The following MALT1 variants were observed in gnomAD, a reference collection of about 807,000 sequenced individuals.
MALT1 encodes the protein mucosa-associated lymphoid tissue lymphoma translocation protein 1.
MALT1 carries 36 observed loss-of-function variants against 85.5 expected under a neutral mutation model. The observed-to-expected ratio is 0.42, with a 90% CI of 0.32 to 0.56. The LOEUF is 0.56. Ranked by LOEUF, MALT1 falls within the 20% of genes least tolerant of loss-of-function variation. The probability of loss-of-function intolerance (pLI) is 0.10; values close to 1 mark genes in which losing one functional copy is unlikely to be tolerated. For synonymous variants in MALT1, 359 were observed against 361.3 expected (o/e 0.99, Z 0.07); for missense variants, 716 against 981.6 (o/e 0.73, Z 3.62).
intron 10 of MALT1, among the ~76,000 whole-genome samples, chr18:58,732,891 C>A (rs1050785523): frequency 1.3e-5 from 2 of 151,736 alleles, no homozygotes; most frequent in Non-Finnish European, 2.9e-5. Context: ...ATTTTAAGTG[C>A]AGACTGTTGG....
chr18:58,709,642 C>T (rs1386009801), intron 5 of MALT1, 86 bp downstream of exon 5: 1 of 1,082,848 alleles, frequency 9.2e-7, no homozygotes, highest in Admixed American at 2.9e-5. Flanking sequence ...CATTAAAACT[C>T]ATATCCTTTC....
intron 10 of MALT1, among the ~76,000 whole-genome samples, chr18:58,729,803 T>A (rs2055121773): frequency 6.6e-6 from 1 of 152,168 alleles, no homozygotes; most frequent in African/African-American, 2.4e-5. Context: ...AGTGTGTAAA[T>A]GTAAAAGATT....
intron 10 of MALT1, among the ~76,000 whole-genome samples, chr18:58,729,733 C>T (rs1007333902): frequency 6.6e-6 from 1 of 152,150 alleles, no homozygotes; most frequent in Non-Finnish European, 1.5e-5. Context: ...TATCTCTAAT[C>T]TGAAAATCCC....
intron 8 of MALT1, among the ~76,000 whole-genome samples, chr18:58,714,592 C>A (rs979905665): frequency 2.0e-5 from 3 of 152,112 alleles, no homozygotes; most frequent in Non-Finnish European, 4.4e-5. Flanking sequence ...TCATTGGCAT[C>A]GTACAGGTCG....
chr18:58,706,764 C>T (rs1385465474), intron 4 of MALT1, among the ~76,000 whole-genome samples: 2 of 152,124 alleles, frequency 1.3e-5, no homozygotes, highest in Non-Finnish European at 2.9e-5. Context: ...GGTTTGTTTT[C>T]ACCACTTTAA....
At chr18:58,694,681 A>G (rs1340600939) in intron 2 of MALT1, among the ~76,000 whole-genome samples, 2 of 152,228 alleles carry the variant, frequency 1.3e-5, no homozygotes, top group Non-Finnish European at 2.9e-5. Context: ...GTGAAAAACA[A>G]CAACTGTTTA....
At position 58,748,630 on chromosome 18, in the gene MALT1, T is replaced by C. The variant is rs2055405911; in HGVS notation, c.*788T>C. 5.2e-6 allele frequency: 1 copy of C among 190,922 alleles called. No homozygotes were observed. Among genetic ancestry groups the C allele is most frequent in the African/African-American group, 2.3e-5 (1 of 43,116 alleles). 11.8% of individuals were successfully genotyped at this position (190,922 alleles called of 1,614,324 possible). On this transcript the variant is annotated 3_prime_UTR_variant, in exon 17 of 17. Transcript: ENST00000649217. ...AATGGATAATTTTCATAGCTGCCTA[T>C]CAGAATTTCCCAAATATTTAGCATC...
At chr18:58,693,325 G>A (rs181782126) in intron 2 of MALT1, among the ~76,000 whole-genome samples, 13 of 152,306 alleles carry the variant, frequency 8.5e-5, no homozygotes, top group Admixed American at 7.2e-4. Context: ...GGGAGGCTGA[G>A]GTGGGAGAAT....
chr18:58,698,035 G>GT (rs398120520), intron 3 of MALT1, among the ~76,000 whole-genome samples: 4 of 47,518 alleles, frequency 8.4e-5, no homozygotes, highest in Admixed American at 2.3e-4. Context: ...GATTCGTGGG[G>GT]TTTTTTGTTG....
chr18:58,719,693 A>G lies in MALT1; in HGVS notation c.1019-3355A>G, dbSNP rs80317765. Among the ~76,000 whole-genome samples, 806 of 152,290 alleles carry G rather than the reference A, an allele frequency of 5.3e-3. 4 individuals carry two copies. The highest frequency in any genetic ancestry group is 7.8e-3 in the Non-Finnish European group (530 of 68,028). ...GGGGGCTACCTGCTACCACATCTGG[A>G]AAGATAGGCATGGACTAGAATGCAA... On this transcript the variant is annotated intron_variant, in intron 9 of 16. Coordinates refer to ENST00000649217, the MANE Select transcript of MALT1 (RefSeq NM_006785.4).
In MALT1 at chr18:58,741,951, A is replaced by G; in HGVS notation, c.1690A>G (p.Ile564Val). Residue 564 changes from isoleucine (I) to valine (V), a missense_variant, in exon 14 of 17, where the codon ATA becomes GTA. Coordinates refer to ENST00000649217, the MANE Select transcript of MALT1 (RefSeq NM_006785.4). ...LSEKRALTDP[I>V]QGTEYSAESL... is the part of the protein sequence containing the mutation. ...TGAGAAGAGAGCACTTACTGATCCAATACAGGGAACAGAATATTCTGCTGA... is the reference window on the plus strand; with the variant it reads ...TGAGAAGAGAGCACTTACTGATCCAGTACAGGGAACAGAATATTCTGCTGA... 1 of 1,570,492 alleles carries G rather than the reference A, an allele frequency of 6.4e-7. No homozygotes were observed. Among genetic ancestry groups the G allele is most frequent in the South Asian group, 1.2e-5 (1 of 85,506 alleles).
intron 2 of MALT1, among the ~76,000 whole-genome samples, chr18:58,684,970 T>C (rs369589404): frequency 1.3e-5 from 2 of 152,192 alleles, no homozygotes; most frequent in South Asian, 2.1e-4. Context: ...ACTGTGAGTT[T>C]AGAGATGAAT....
At chr18:58,683,262 C>T (rs2054349726) in intron 2 of MALT1, among the ~76,000 whole-genome samples, 1 of 152,142 alleles carries the variant, frequency 6.6e-6, no homozygotes, top group Non-Finnish European at 1.5e-5. Flanking sequence ...ATACCAGGGC[C>T]TCTGAAAGCT....
rs1438478957 is a variant in MALT1, at chr18:58,748,365, T to C, written c.*523T>C. 1 of 185,802 alleles carries C rather than the reference T, an allele frequency of 5.4e-6. No homozygotes were observed. The highest frequency in any genetic ancestry group is 1.1e-5 in the Non-Finnish European group (1 of 87,556). The allele number at this position is 185,802 out of a possible 1,614,324, so 11.5% of individuals were successfully genotyped here. On this transcript the variant is annotated 3_prime_UTR_variant, in exon 17 of 17. Transcript: ENST00000649217. ...CTGAGATAAGTGTTATGTTTGTAGA[T>C]AGAGTGAAATATATTTATATATATA...
chr18:58,733,872 A>AT, intron 11 of MALT1: 1 of 1,166,690 alleles, frequency 8.6e-7, no homozygotes, highest in Non-Finnish European at 1.1e-6. Flanking sequence ...CACTATAGTT[A>AT]TTCCCTCAGG....
In MALT1 at chr18:58,714,126, T is replaced by C; in HGVS notation, c.985+17T>C. 1.6e-6 allele frequency: 2 copies of C among 1,233,946 alleles called. No homozygotes were observed. Among genetic ancestry groups the C allele is most frequent in the South Asian group, 1.3e-5 (1 of 78,642 alleles). 76.4% of individuals were successfully genotyped at this position (1,233,946 alleles called of 1,614,324 possible). On this transcript the variant is annotated intron_variant, in intron 8 of 16. Coordinates refer to ENST00000649217, the MANE Select transcript of MALT1 (RefSeq NM_006785.4). ...GTCATCCTGGTGAGTAATACAAACA[T>C]AAAACTTTAGTTTTAGATTTTTAAG...
At chr18:58,725,945 C>G (rs1422367133) in intron 10 of MALT1, among the ~76,000 whole-genome samples, 1 of 152,114 alleles carries the variant, frequency 6.6e-6, no homozygotes, top group Non-Finnish European at 1.5e-5. Flanking sequence ...CCTGTAATCC[C>G]AGCTACTTGG....
intron 13 of MALT1, 45 bp downstream of exon 13, chr18:58,735,374 A>AG: frequency 6.4e-7 from 1 of 1,561,530 alleles, no homozygotes; most frequent in Non-Finnish European, 8.6e-7. Flanking sequence ...AAAGGAGAGC[A>AG]GGGGAGACAC....
At chr18:58,726,508 G>T (rs908539625) in intron 10 of MALT1, among the ~76,000 whole-genome samples, 5 of 152,162 alleles carry the variant, frequency 3.3e-5, no homozygotes, top group African/African-American at 1.2e-4. Flanking sequence ...GCTAGATACG[G>T]AGAACAGAGG....
Sources: allele counts gnomAD v4.1 joint callset (sites outside exome capture counted in the v4.1 genomes callset), GRCh38; gene constraint gnomAD v4.1.1; transcripts MANE v1.5; gene names NCBI Gene and HGNC (gene_info 2026-07-23, HGNC 2026-07-21).